The following LCT variants were observed in gnomAD, a reference collection of about 807,000 sequenced individuals.
LCT encodes the protein lactase/phlorizin hydrolase.
Under a neutral mutation model 173.0 loss-of-function variants are expected in LCT, and 90 were observed. The observed-to-expected ratio is 0.52, with a 90% confidence interval of 0.44 to 0.62. The LOEUF is 0.62. Among genes scored for constraint, LCT ranks in the 20% least tolerant of loss-of-function variants. The pLI, the probability that LCT is intolerant of heterozygous loss-of-function variation, is 0.00. For missense variants in LCT, 1,864 were observed against 2,431.4 expected (o/e 0.77, Z 4.91); for synonymous variants, 853 against 957.6 (o/e 0.89, Z 2.02).
chr2:135,798,583 G>A (rs1400850389), intron 12 of LCT, among the ~76,000 whole-genome samples: 1 of 152,252 alleles, frequency 6.6e-6, no homozygotes, highest in African/African-American at 2.4e-5. Flanking sequence ...GGGCTGAAAT[G>A]CAAGGCTTTC....
intron 14 of LCT, among the ~76,000 whole-genome samples, chr2:135,793,375 A>G (rs2077548706): frequency 6.6e-6 from 1 of 152,208 alleles, no homozygotes; most frequent in Admixed American, 6.5e-5. Flanking sequence ...GGCAATGGCA[A>G]TCACTGCAGT....
At chr2:135,828,879 G>T (rs1292921405) in intron 3 of LCT, among the ~76,000 whole-genome samples, 1 of 152,016 alleles carries the variant, frequency 6.6e-6, no homozygotes, top group Non-Finnish European at 1.5e-5. Context: ...TTAAAAATGT[G>T]GTAAAATAGA....
At chr2:135,797,983 G>A (rs2105523463) in intron 13 of LCT, 46 bp downstream of exon 13, 1 of 1,046,832 alleles carries the variant, frequency 9.6e-7, no homozygotes, top group East Asian at 2.4e-5. Flanking sequence ...ATGCCTCTGT[G>A]ACCCCGACGC....
At position 135,817,900 on chromosome 2, in the gene LCT, G is replaced by A; in HGVS notation, c.1148C>T (p.Pro383Leu). The A allele has an allele frequency of 6.2e-7, 1 of 1,613,910 alleles. No individual in the cohort carries two copies. Among genetic ancestry groups the A allele is most frequent in the Non-Finnish European group, 8.5e-7 (1 of 1,179,994 alleles). ...GGAGGCACCCCAGAGGAAGCCTTCAGGGAAAGTATCCTGCAGGAAGGCATC... is the reference window on the plus strand; with the variant it reads ...GGAGGCACCCCAGAGGAAGCCTTCAAGGAAAGTATCCTGCAGGAAGGCATC... The part of the protein sequence containing the change: ...ERDAFLQDTF[P>L]EGFLWGASTG... Residue 383 changes from proline to leucine, a missense_variant, in exon 6 of 17, where the codon CCT becomes CTT. Physicochemically the swap from Pro to Leu is moderately conservative, Grantham distance 98. Around this residue, in one of 4 missense-constraint regions of LCT, gnomAD observed 412 missense variants for 462.0 expected, o/e 0.89. Transcript: ENST00000264162.
chr2:135,795,604 C>CTAATAATTA (rs57023267), intron 13 of LCT, among the ~76,000 whole-genome samples: 6,678 of 146,020 alleles, frequency 0.046, 194 homozygotes, highest in Middle Eastern at 0.18. Flanking sequence ...TTCTCCAACT[C>CTAATAATTA]TAATAATAAT....
At chr2:135,819,849 C>G (rs2077813240) in intron 5 of LCT, among the ~76,000 whole-genome samples, 1 of 152,204 alleles carries the variant, frequency 6.6e-6, no homozygotes. Context: ...CTGGCCCTGA[C>G]TGTCCTCCTG....
chr2:135,801,435 C>A (rs778251332), intron 11 of LCT, among the ~76,000 whole-genome samples: 3 of 151,974 alleles, frequency 2.0e-5, no homozygotes, highest in Non-Finnish European at 4.4e-5. Context: ...ACAACCCAGG[C>A]CAGGCAGGGT....
chr2:135,804,633 A>G (rs541828860), intron 10 of LCT, 134 bp downstream of exon 10: 11 of 869,974 alleles, frequency 1.3e-5, no homozygotes, highest in African/African-American at 1.0e-4. Context: ...GAGCGAGACT[A>G]CGTCTCAAAA....
Position 135,809,210 on chromosome 2 carries a change from G to A in LCT, c.3137C>T (p.Ala1046Val), listed in dbSNP as rs1445059452. 5.0e-6 allele frequency: 8 copies of A among 1,614,218 alleles called. No individual in the cohort carries two copies. The highest frequency in any genetic ancestry group is 1.6e-4 in the Middle Eastern group (1 of 6,062). ...PALIDLFDSY[A>V]DFCFQTFGDR... is the part of the protein sequence containing the mutation. ...ACCAAAGGTCTGGAAACAAAAGTCT[G>A]CGTAGCTGTCAAACAAGTCAATCAA... Residue 1046 changes from alanine (A) to valine (V), a missense_variant, in exon 8 of 17, where the codon GCA becomes GTA. Transcript: ENST00000264162. This position sits in a 1 kb window ranked among gnomAD's most constrained non-coding sequence, Gnocchi z 5.5.
chr2:135,811,468 T>C (rs777038101), intron 7 of LCT, among the ~76,000 whole-genome samples: 2 of 152,164 alleles, frequency 1.3e-5, no homozygotes, highest in Non-Finnish European at 2.9e-5. Context: ...TGAAATAGTA[T>C]GTCAGGTAAG....
chr2:135,800,876 C>A, intron 11 of LCT, 67 bp from the exon 12 acceptor site: 1 of 1,277,196 alleles, frequency 7.8e-7, no homozygotes, highest in Non-Finnish European at 1.1e-6. Flanking sequence ...TTGTTAGTCC[C>A]TGCCTGCAGA....
chr2:135,821,516 G>A (rs950185005), intron 5 of LCT, among the ~76,000 whole-genome samples: 1 of 152,200 alleles, frequency 6.6e-6, no homozygotes, highest in Non-Finnish European at 1.5e-5. Flanking sequence ...GAAGGCAGGA[G>A]TTCAAATCCT....
intron 9 of LCT, among the ~76,000 whole-genome samples, chr2:135,806,883 C>CCA (rs1446083919): frequency 6.6e-6 from 1 of 152,218 alleles, no homozygotes; most frequent in Non-Finnish European, 1.5e-5. Context: ...CCAGGCTCCC[C>CCA]CTGCTCCATC....
At chr2:135,836,198 T>C (rs1286111256) in intron 1 of LCT, among the ~76,000 whole-genome samples, 1 of 151,402 alleles carries the variant, frequency 6.6e-6, no homozygotes, top group East Asian at 2.0e-4. Context: ...TTGGTATTTT[T>C]AGTAGAGACG....
At chr2:135,789,961 G>T (rs754267477) in intron 15 of LCT, among the ~76,000 whole-genome samples, 163 bp from the exon 16 acceptor site, 2 of 152,204 alleles carry the variant, frequency 1.3e-5, no homozygotes, top group Non-Finnish European at 2.9e-5. Flanking sequence ...TTCTTTGCAT[G>T]CAGTGACTGT....
In LCT at chr2:135,804,852, C is replaced by T; in HGVS notation, c.4379G>A (p.Gly1460Glu). 1 of 1,614,050 alleles carries T rather than the reference C, an allele frequency of 6.2e-7. No homozygotes were observed. The highest frequency in any genetic ancestry group is 8.5e-7 in the Non-Finnish European group (1 of 1,179,976). ...SISWSRILPD[G>E]TTRYINEAGL... ...CGCTTCATTGATGTACCTGGTGGTT[C>T]CATCAGGGAGGATGCGAGACCAGGA... The change falls in exon 10 of 17, where the codon GGA becomes GAA. Residue 1460 changes from glycine to glutamate, a missense_variant. Transcript: ENST00000264162.
At position 135,812,306 on chromosome 2, in the gene LCT, C is replaced by G; in HGVS notation, c.2353+5G>C. ...TCCAATCACTGGCACATCCATTGTT[C>G]TTACCCTTGAGCACCTCATTGATAT... On this transcript the variant is annotated splice_donor_5th_base_variant and intron_variant, in intron 7 of 16. Coordinates refer to ENST00000264162, the MANE Select transcript of LCT (RefSeq NM_002299.4). The G allele has an allele frequency of 1.2e-6, 2 of 1,611,582 alleles. No homozygotes were observed. The highest frequency in any genetic ancestry group is 1.7e-6 in the Non-Finnish European group (2 of 1,177,696).
At chr2:135,797,907 A>T (rs2077595291) in intron 13 of LCT, 122 bp downstream of exon 13, 1 of 734,356 alleles carries the variant, frequency 1.4e-6, no homozygotes, top group Non-Finnish European at 2.5e-6. Flanking sequence ...GCTAAGCTTT[A>T]CATATATGAT....
intron 11 of LCT, among the ~76,000 whole-genome samples, chr2:135,801,693 C>A (rs948238535): frequency 1.3e-5 from 2 of 151,696 alleles, no homozygotes; most frequent in African/African-American, 2.4e-5. Flanking sequence ...CCTGTCTCAG[C>A]CTCCTGAGTA....
Sources: gnomAD v4.1 joint callset for allele counts (sites outside exome capture counted in the v4.1 genomes callset) on GRCh38, gnomAD v4.1.1 for gene constraint, gnomAD v4.1.1 regional missense constraint, Gnocchi (gnomAD v3.1) non-coding constraint, MANE v1.5 for transcripts, NCBI Gene and HGNC (gene_info 2026-07-23, HGNC 2026-07-21) for gene names.